Variants in RAB3C observed in about 807,000 individuals in gnomAD.
RAB3C encodes the protein ras-related protein Rab-3C.
Under a neutral mutation model 26.4 loss-of-function variants are expected in RAB3C, and 17 were observed. The observed-to-expected ratio is 0.64, with a 90% CI of 0.44 to 0.97. The LOEUF (loss-of-function observed/expected upper bound fraction) is 0.97. RAB3C is among the 50% of genes least tolerant of loss of function. RAB3C has a pLI of 0.00. For missense variants in RAB3C, 242 were observed against 281.9 expected, an observed-to-expected ratio of 0.86 and a Z score of 1.01; for synonymous variants, 91 against 95.9, an observed-to-expected ratio of 0.95 and a Z score of 0.30.
At position 58,856,632 on chromosome 5, in the gene RAB3C, G is replaced by A. The variant is rs1416325740; in HGVS notation, c.*5281G>A. 1 of 152,180 alleles carries A rather than the reference G, an allele frequency of 6.6e-6. No homozygotes were observed. Among genetic ancestry groups the A allele is most frequent in the Non-Finnish European group, 1.5e-5 (1 of 68,032 alleles). The allele number at this position is 152,180 out of a possible 1,614,324, so 9.4% of individuals were successfully genotyped here. ...TTTCCTTCATCGTGGACAAGTGAGA[G>A]TTGGCTGTGGCTTTATTTCTTGAGG... is the stretch of plus-strand genomic sequence containing the variant. On this transcript the variant is annotated 3_prime_UTR_variant, in exon 5 of 5. Coordinates refer to ENST00000282878, the MANE Select transcript of RAB3C (RefSeq NM_138453.4).
At chr5:58,687,428 G>A (rs1184600035) in intron 2 of RAB3C, among the ~76,000 whole-genome samples, 1 of 152,144 alleles carries the variant, frequency 6.6e-6, no homozygotes, top group East Asian at 1.9e-4. Context: ...ATAGAATAGG[G>A]CTAAAAATGA....
chr5:58,766,703 G>A (rs1351698672), intron 3 of RAB3C, among the ~76,000 whole-genome samples: 1 of 152,180 alleles, frequency 6.6e-6, no homozygotes, highest in Admixed American at 6.5e-5. Flanking sequence ...GGGGTTCAGA[G>A]TCTGGTAGGT....
At position 58,857,648 on chromosome 5, in the gene RAB3C, G is replaced by A. The variant is rs1400967010; in HGVS notation, c.*6297G>A. On this transcript the variant is annotated 3_prime_UTR_variant, in exon 5 of 5. Transcript: ENST00000282878. ...TACAAATTCAACACTGTCAACCCTG[G>A]GAATTCTAAAATACCAATGTATTTT... 2 of 152,012 alleles carry A rather than the reference G, an allele frequency of 1.3e-5. No homozygotes were observed. Among genetic ancestry groups the A allele is most frequent in the African/African-American group, 2.4e-5 (1 of 41,392 alleles). 9.4% of individuals were successfully genotyped at this position (152,012 alleles called of 1,614,324 possible).
chr5:58,615,083 GA>G (rs1304726840), intron 1 of RAB3C, among the ~76,000 whole-genome samples: 1 of 152,106 alleles, frequency 6.6e-6, no homozygotes, highest in Non-Finnish European at 1.5e-5. Flanking sequence ...AACCCCTATA[GA>G]TACCGAGGGA....
intron 3 of RAB3C, among the ~76,000 whole-genome samples, chr5:58,808,028 A>G (rs547142664): frequency 1.3e-5 from 2 of 152,042 alleles, no homozygotes; most frequent in African/African-American, 2.4e-5. Context: ...GATCGAGACC[A>G]TCCTGCCTAA....
rs1463189932 is a variant in RAB3C at position 58,630,148 on chromosome 5, C to T, written c.252+12278C>T. Among the ~76,000 whole-genome samples, 8 of 152,278 alleles carry T rather than the reference C, an allele frequency of 5.3e-5. No individual in the cohort carries two copies. The South Asian group carries it at 1.2e-3, about 24-fold the overall frequency. Reference sequence around the variant, plus strand: ...GTTTTGGGTGTCTGATAGCTTGGCTCTAGGCAAGTTATTAAACTCTGTAAT... The same window carrying T: ...GTTTTGGGTGTCTGATAGCTTGGCTTTAGGCAAGTTATTAAACTCTGTAAT... On this transcript the variant is annotated intron_variant, in intron 2 of 4. Transcript: ENST00000282878.
At chr5:58,826,112 G>A (rs553737892) in intron 4 of RAB3C, among the ~76,000 whole-genome samples, 23 of 152,008 alleles carry the variant, frequency 1.5e-4, no homozygotes, top group Admixed American at 3.9e-4. Flanking sequence ...AAACATTGCC[G>A]GAAGGAGATG....
At chr5:58,823,195 C>T in intron 3 of RAB3C, 4 of 333,940 alleles carry the variant, frequency 1.2e-5, no homozygotes, top group Non-Finnish European at 1.8e-5. Flanking sequence ...TCATAAAGAA[C>T]AGCGAAACTT....
intron 3 of RAB3C, among the ~76,000 whole-genome samples, chr5:58,780,526 C>A (rs1742248351): frequency 6.6e-6 from 1 of 152,084 alleles, no homozygotes; most frequent in Non-Finnish European, 1.5e-5. Context: ...CAGTCTTTGT[C>A]CCCAAATCAT....
intron 2 of RAB3C, among the ~76,000 whole-genome samples, chr5:58,707,125 G>GA (rs1343985781): frequency 6.6e-6 from 1 of 152,002 alleles, no homozygotes; most frequent in Non-Finnish European, 1.5e-5. Flanking sequence ...TCCATTTCTG[G>GA]AAAAAAGATG....
chr5:58,709,503 C>T (rs987427358), intron 2 of RAB3C, among the ~76,000 whole-genome samples: 3 of 152,156 alleles, frequency 2.0e-5, no homozygotes, highest in African/African-American at 7.2e-5. Context: ...CAATAAATTC[C>T]AGTTCTGTTT....
intron 3 of RAB3C, among the ~76,000 whole-genome samples, chr5:58,765,784 T>A (rs1218177904): frequency 6.6e-6 from 1 of 152,120 alleles, no homozygotes; most frequent in Non-Finnish European, 1.5e-5. Context: ...TGGATTTGTG[T>A]CCCCGCCCAA....
intron 2 of RAB3C, among the ~76,000 whole-genome samples, chr5:58,671,301 A>C (rs370338272): frequency 6.6e-6 from 1 of 152,154 alleles, no homozygotes; most frequent in Non-Finnish European, 1.5e-5. Context: ...TATGAAAAAA[A>C]CCTGCAGATC....
intron 3 of RAB3C, among the ~76,000 whole-genome samples, chr5:58,731,001 C>A (rs1322618887): frequency 6.6e-6 from 1 of 152,060 alleles, no homozygotes; most frequent in Non-Finnish European, 1.5e-5. Context: ...ACCATCAGAT[C>A]TCGTGAGACT....
At chr5:58,730,349 A>T (rs1740988511) in intron 3 of RAB3C, among the ~76,000 whole-genome samples, 1 of 152,094 alleles carries the variant, frequency 6.6e-6, no homozygotes, top group South Asian at 2.1e-4. Context: ...AAAAGAAAAA[A>T]GCCCTTTGGG....
intron 3 of RAB3C, among the ~76,000 whole-genome samples, chr5:58,761,061 T>TCACACACACACACACA (rs769194224): frequency 1.1e-3 from 142 of 126,536 alleles, no homozygotes; most frequent in African/African-American, 3.4e-3. Flanking sequence ...TCTCTCTCTC[T>TCACACACACACACACA]CTCACACACA....
intron 3 of RAB3C, among the ~76,000 whole-genome samples, chr5:58,730,730 A>G (rs542855352): frequency 6.6e-6 from 1 of 152,284 alleles, no homozygotes; most frequent in African/African-American, 2.4e-5. Flanking sequence ...AGGAAGAATT[A>G]AAGTTCCCTT....
chr5:58,768,215 A>G (rs1741950321), intron 3 of RAB3C, among the ~76,000 whole-genome samples: 1 of 152,204 alleles, frequency 6.6e-6, no homozygotes, highest in Non-Finnish European at 1.5e-5. Flanking sequence ...GGCAGGGAGC[A>G]TCCTCAATCA....
chr5:58,704,049 AC>A (rs966352518), intron 2 of RAB3C, among the ~76,000 whole-genome samples: 10 of 152,210 alleles, frequency 6.6e-5, no homozygotes, highest in African/African-American at 2.4e-4. Flanking sequence ...TGAACCTTTT[AC>A]CCAGAAAGAA....
Sources: gnomAD v4.1 joint callset for allele counts (sites outside exome capture counted in the v4.1 genomes callset) on GRCh38, gnomAD v4.1.1 for gene constraint, MANE v1.5 for transcripts, NCBI Gene and HGNC (gene_info 2026-07-23, HGNC 2026-07-21) for gene names.